The following ANKHD1 variants were observed in gnomAD, a reference collection of about 807,000 sequenced individuals.
The protein encoded by ANKHD1 is ankyrin repeat and KH domain-containing protein 1.
In ANKHD1, 31 loss-of-function variants were observed where a neutral mutation model predicts 230.5. The ratio of observed to expected loss-of-function variants is 0.13; its 90% CI spans 0.10 to 0.18. The LOEUF (loss-of-function observed/expected upper bound fraction) is 0.18, where lower values mean the gene tolerates loss of function less well. Ranked by LOEUF, ANKHD1 falls within the 10% of genes least tolerant of loss-of-function variation. The probability of loss-of-function intolerance (pLI) is 1.00; values close to 1 mark genes in which losing one functional copy is unlikely to be tolerated. For missense variants in ANKHD1, 2,256 were observed against 3,071.3 expected, an observed-to-expected ratio of 0.73 and a Z score of 6.27; for synonymous variants, 1,074 against 1,117.6, an observed-to-expected ratio of 0.96 and a Z score of 0.78.
chr5:140,458,804 C>G lies in ANKHD1; in HGVS notation c.1422C>G (p.Pro474=), dbSNP rs1333986536. 6 of 1,613,036 alleles carry G rather than the reference C, an allele frequency of 3.7e-6. No individual in the cohort carries two copies. Among genetic ancestry groups the G allele is most frequent in the Non-Finnish European group, 5.1e-6 (6 of 1,179,676 alleles). ...AAGTTAATGATGAAGGATACACTCC[C>G]TTGATGGAAGCTGCCCGGGAAGGAC... The part of the protein sequence containing the change: ...LEEVNDEGYT[P]LMEAAREGHE... The change falls in exon 8 of 34, where the codon CCC becomes CCG. Residue 474 remains proline (P), a synonymous_variant. Transcript: ENST00000360839.
chr5:140,484,370 G>T (rs966276468), intron 11 of ANKHD1, among the ~76,000 whole-genome samples: 5 of 152,126 alleles, frequency 3.3e-5, no homozygotes. Flanking sequence ...ACTAAGAAAA[G>T]ACTTTGCATT....
intron 11 of ANKHD1, 52 bp downstream of exon 11, chr5:140,482,719 A>C (rs780746974): frequency 6.3e-7 from 1 of 1,587,794 alleles, no homozygotes; most frequent in Non-Finnish European, 8.5e-7. Flanking sequence ...TATGGAAAAA[A>C]AAATCCTAAA....
rs770042343 is a variant in ANKHD1 at position 140,505,862 on chromosome 5, G to A, written c.3401G>A (p.Arg1134His). The change falls in exon 18 of 34, where the codon CGT becomes CAT. Residue 1134 changes from arginine to histidine, a missense_variant. By Grantham distance (29) the Arg-to-His change is conservative. This residue lies in a region of ANKHD1 where 63 missense variants were observed against 125.5 expected (regional missense o/e 0.50). Coordinates refer to ENST00000360839, the MANE Select transcript of ANKHD1 (RefSeq NM_017747.3). The stretch of plus-strand genomic sequence containing the variant: ...CTTTCATTGGCATGTTCTGGTGGAC[G>A]TCAGGAGGTGTGTTAATGTTAATTT... Reference protein sequence around the residue: ...TPLSLACSGGRQEVVDLLLAR... With the variant: ...TPLSLACSGGHQEVVDLLLAR... 2.5e-6 allele frequency: 4 copies of A among 1,580,364 alleles called. No individual in the cohort carries two copies. The highest frequency in any genetic ancestry group is 2.6e-6 in the Non-Finnish European group (3 of 1,170,052).
intron 1 of ANKHD1, among the ~76,000 whole-genome samples, chr5:140,411,720 C>T (rs1390171906): frequency 6.6e-6 from 1 of 151,836 alleles, no homozygotes; most frequent in East Asian, 1.9e-4. Context: ...GATGGGGTTT[C>T]ACCATGTTGG....
At chr5:140,425,583 G>A (rs1474942877) in intron 1 of ANKHD1, among the ~76,000 whole-genome samples, 2 of 149,046 alleles carry the variant, frequency 1.3e-5, no homozygotes, top group Non-Finnish European at 3.0e-5. Context: ...TGAGAAGGGG[G>A]GATTGTGAGT....
intron 6 of ANKHD1, among the ~76,000 whole-genome samples, chr5:140,446,524 C>A (rs900446041): frequency 6.6e-6 from 1 of 152,190 alleles, no homozygotes; most frequent in African/African-American, 2.4e-5. Flanking sequence ...CCATGCCTGG[C>A]TAATTTTTGT....
At chr5:140,523,038 CAAAT>C (rs983593957) in intron 24 of ANKHD1, among the ~76,000 whole-genome samples, 38 of 141,180 alleles carry the variant, frequency 2.7e-4, no homozygotes, top group African/African-American at 8.9e-4. Context: ...GTATATTTGA[CAAAT>C]AAAAATTTGT....
At chr5:140,510,743 AG>A (rs913799514) in intron 22 of ANKHD1, among the ~76,000 whole-genome samples, 2 of 152,188 alleles carry the variant, frequency 1.3e-5, no homozygotes, top group African/African-American at 4.8e-5. Flanking sequence ...TATTATATGC[AG>A]ATGGATTTTT....
chr5:140,415,470 G>C (rs1272763841), intron 1 of ANKHD1, among the ~76,000 whole-genome samples: 1 of 113,650 alleles, frequency 8.8e-6, no homozygotes, highest in Non-Finnish European at 1.7e-5. Flanking sequence ...ATGGAGTCTT[G>C]CTCTGTCGCC....
Position 140,454,640 on chromosome 5 carries a change from A to C in ANKHD1, c.1243-3985A>C, listed in dbSNP as rs557092813. On this transcript the variant is annotated intron_variant, in intron 7 of 33. Transcript: ENST00000360839. ...GGGCACATAACGAAATGAAGGCAGAAATAAAGATGTTCTTTGAAACCAACA... is the reference window on the plus strand; with the variant it reads ...GGGCACATAACGAAATGAAGGCAGACATAAAGATGTTCTTTGAAACCAACA... Among the ~76,000 whole-genome samples, 70 of 152,350 alleles carry C rather than the reference A, an allele frequency of 4.6e-4. 1 individual carries two copies. Among genetic ancestry groups the C allele is most frequent in the Middle Eastern group, 6.8e-3 (2 of 294 alleles).
chr5:140,418,215 C>T (rs534557426), intron 1 of ANKHD1, among the ~76,000 whole-genome samples: 7 of 150,550 alleles, frequency 4.6e-5, no homozygotes, highest in South Asian at 2.1e-4. Flanking sequence ...GGCACAGTCA[C>T]GGTTCACTGC....
intron 1 of ANKHD1, among the ~76,000 whole-genome samples, chr5:140,411,245 C>G (rs991314245): frequency 1.3e-5 from 2 of 152,112 alleles, no homozygotes; most frequent in Admixed American, 6.6e-5. Context: ...CTGGAAACTT[C>G]ATTTGGGACC....
intron 20 of ANKHD1, among the ~76,000 whole-genome samples, chr5:140,509,360 A>G (rs1322068702): frequency 6.6e-6 from 1 of 152,236 alleles, no homozygotes; most frequent in Non-Finnish European, 1.5e-5. Context: ...ATCTGAGTAA[A>G]TTCACAAAAG....
At chr5:140,427,374 G>GC (rs1772553361) in intron 1 of ANKHD1, among the ~76,000 whole-genome samples, 1 of 91,348 alleles carries the variant, frequency 1.1e-5, no homozygotes, top group African/African-American at 4.6e-5. Context: ...GCGGGGGGCT[G>GC]ACCCCCCCCC....
intron 16 of ANKHD1, 24 bp from the exon 17 acceptor site, chr5:140,505,098 T>G (rs1752486269): frequency 6.2e-7 from 1 of 1,604,818 alleles, no homozygotes; most frequent in African/African-American, 1.3e-5. Flanking sequence ...AAAAAAATTT[T>G]AACTTATTTT....
intron 1 of ANKHD1, among the ~76,000 whole-genome samples, chr5:140,414,287 C>A (rs980627735): frequency 2.6e-5 from 4 of 152,144 alleles, no homozygotes; most frequent in Non-Finnish European, 4.4e-5. Context: ...TCTATATCAG[C>A]TATATCATTT....
At chr5:140,488,622 A>G (rs1404336375) in intron 14 of ANKHD1, among the ~76,000 whole-genome samples, 2 of 149,750 alleles carry the variant, frequency 1.3e-5, no homozygotes, top group Non-Finnish European at 3.0e-5. Context: ...AATATAGGCC[A>G]CGTGTGGTGG....
chr5:140,536,338 C>T (rs1754072914), intron 30 of ANKHD1, among the ~76,000 whole-genome samples: 3 of 152,238 alleles, frequency 2.0e-5, no homozygotes, highest in Admixed American at 1.3e-4. Context: ...GGGTGGTCCA[C>T]CTGCCTCAGC....
In ANKHD1 at chr5:140,496,760, A is replaced by T; in HGVS notation, c.2486A>T (p.Gln829Leu). ...AAAAAGAACAGAGAAGAGCAAGTCCAGAAGAAGAAGAAAATATTGAAAGAA... is the reference window on the plus strand; with the variant it reads ...AAAAAGAACAGAGAAGAGCAAGTCCTGAAGAAGAAGAAAATATTGAAAGAA... ...ELKKNREEQV[Q>L]KKKKILKELQ... Residue 829 changes from glutamine to leucine, a missense_variant, in exon 15 of 34, where the codon CAG becomes CTG. Gln to Leu is a moderately radical substitution (Grantham distance 113). Coordinates refer to ENST00000360839, the MANE Select transcript of ANKHD1 (RefSeq NM_017747.3). 1 of 1,613,944 alleles carries T rather than the reference A, an allele frequency of 6.2e-7. No individual in the cohort carries two copies. The highest frequency in any genetic ancestry group is 8.5e-7 in the Non-Finnish European group (1 of 1,179,970).
Sources: allele counts gnomAD v4.1 joint callset (sites outside exome capture counted in the v4.1 genomes callset), GRCh38; gene constraint gnomAD v4.1.1; regional missense constraint gnomAD v4.1.1; transcripts MANE v1.5; gene names NCBI Gene and HGNC (gene_info 2026-07-23, HGNC 2026-07-21).